DNAH7: variants seen among roughly 807,000 people sequenced by gnomAD.
DNAH7 encodes axonemal beta dynein heavy chain 7.
DNAH7 carries 397 observed loss-of-function variants against 444.6 expected under a neutral mutation model. The observed-to-expected ratio is 0.89, with a 90% CI of 0.82 to 0.97. The LOEUF (loss-of-function observed/expected upper bound fraction) is 0.97. DNAH7 is among the 50% of genes least tolerant of loss of function. The pLI is 0.00. For synonymous variants in DNAH7, 1,636 were observed against 1,624.4 expected, an observed-to-expected ratio of 1.01 and a Z score of -0.17; for missense variants, 4,902 against 4,800.8, an observed-to-expected ratio of 1.02 and a Z score of -0.62.
At chr2:195,813,301 T>C (rs1166708192) in intron 51 of DNAH7, among the ~76,000 whole-genome samples, 1 of 151,832 alleles carries the variant, frequency 6.6e-6, no homozygotes, top group Non-Finnish European at 1.5e-5. Flanking sequence ...CCTCCTTTTT[T>C]TCTTAATTTA....
chr2:196,050,150 A>G (rs1355664025), intron 3 of DNAH7, among the ~76,000 whole-genome samples: 2 of 152,232 alleles, frequency 1.3e-5, no homozygotes, highest in East Asian at 1.9e-4. Context: ...TCAATTCTAT[A>G]GTTTGTTCTC....
In DNAH7 at chr2:195,737,855, G is replaced by C; in HGVS notation, c.*66C>G. On this transcript the variant is annotated 3_prime_UTR_variant, in exon 65 of 65. Transcript: ENST00000312428. The stretch of plus-strand genomic sequence containing the variant: ...ACAAACAAAAAAAAAGGTTTAAGTA[G>C]TAAAATATGCTTTCTCTACTCAGCC... 1 of 925,688 alleles carries C rather than the reference G, an allele frequency of 1.1e-6. No individual in the cohort carries two copies. Among genetic ancestry groups the C allele is most frequent in the South Asian group, 1.5e-5 (1 of 65,670 alleles). 57.3% of individuals were successfully genotyped at this position (925,688 alleles called of 1,614,324 possible).
At chr2:196,010,151 C>CTT (rs369388805) in intron 10 of DNAH7, among the ~76,000 whole-genome samples, 2 of 145,130 alleles carry the variant, frequency 1.4e-5, no homozygotes, top group Non-Finnish European at 1.5e-5. Flanking sequence ...CTTTCTCTCT[C>CTT]TTTTTTTTTT....
chr2:195,978,705 T>C (rs1218385475), intron 15 of DNAH7, among the ~76,000 whole-genome samples: 3 of 152,054 alleles, frequency 2.0e-5, no homozygotes, highest in South Asian at 2.1e-4. Flanking sequence ...AAGACACACA[T>C]AGCCTGACAA....
At chr2:195,996,398 C>T (rs978499718) in intron 12 of DNAH7, among the ~76,000 whole-genome samples, 1 of 151,816 alleles carries the variant, frequency 6.6e-6, no homozygotes, top group African/African-American at 2.4e-5. Flanking sequence ...TAAATATGCC[C>T]ACATGGTTTA....
intron 19 of DNAH7, among the ~76,000 whole-genome samples, chr2:195,944,346 T>A (rs970295859): frequency 6.6e-6 from 1 of 152,126 alleles, no homozygotes; most frequent in Non-Finnish European, 1.5e-5. Flanking sequence ...GTTTGGTCAA[T>A]AAAACAAGTA....
chr2:195,820,094 G>A (rs529544727), intron 49 of DNAH7, among the ~76,000 whole-genome samples: 8 of 152,124 alleles, frequency 5.3e-5, no homozygotes, highest in Non-Finnish European at 1.0e-4. Context: ...AGCACTCTTC[G>A]TCTACTACCT....
chr2:195,851,659 G>T (rs1699370161), intron 46 of DNAH7, among the ~76,000 whole-genome samples: 1 of 152,176 alleles, frequency 6.6e-6, no homozygotes, highest in Non-Finnish European at 1.5e-5. Flanking sequence ...CTGTCAGAGA[G>T]GGCCTGGTTG....
chr2:195,810,281 A>C (rs1382210996), intron 51 of DNAH7, among the ~76,000 whole-genome samples: 1 of 152,196 alleles, frequency 6.6e-6, no homozygotes. Context: ...TTCTTTATTA[A>C]ATTTAGTATT....
At position 195,817,769 on chromosome 2, in the gene DNAH7, C is replaced by A. The variant is rs374148963; in HGVS notation, c.9352G>T (p.Val3118Leu). The change falls in exon 50 of 65, where the codon GTG (valine) becomes TTG (leucine). Residue 3118 changes from valine to leucine, a missense_variant. Transcript: ENST00000312428. Reference sequence around the variant, plus strand: ...AGGTCTGGCCTTTCTTGTGCCACCACAATTCCCAGAAGCTGATCTTGCATT... The same window carrying A: ...AGGTCTGGCCTTTCTTGTGCCACCAAAATTCCCAGAAGCTGATCTTGCATT... ...EGMQDQLLGI[V>L]VAQERPDLEE... 8.1e-6 allele frequency: 13 copies of A among 1,613,108 alleles called. No individual in the cohort carries two copies. The African/African-American group carries it at 1.6e-4, about 20-fold the overall frequency.
chr2:196,006,016 A>C (rs1694351932), intron 10 of DNAH7, among the ~76,000 whole-genome samples: 1 of 152,162 alleles, frequency 6.6e-6, no homozygotes, highest in African/African-American at 2.4e-5. Flanking sequence ...CCAGAAGCAC[A>C]TAAAAAGTAT....
intron 2 of DNAH7, among the ~76,000 whole-genome samples, chr2:196,056,316 A>C (rs1225472054): frequency 6.6e-6 from 1 of 151,636 alleles, no homozygotes; most frequent in Non-Finnish European, 1.5e-5. Flanking sequence ...GTGGTGGCAT[A>C]CACCTGTAAT....
intron 19 of DNAH7, among the ~76,000 whole-genome samples, chr2:195,940,949 T>C (rs897048811): frequency 3.9e-5 from 6 of 152,190 alleles, no homozygotes; most frequent in African/African-American, 1.4e-4. Flanking sequence ...TCAACCATTG[T>C]GGAAGACAGT....
intron 47 of DNAH7, among the ~76,000 whole-genome samples, chr2:195,838,605 A>AATAT (rs201900276): frequency 0.01 from 1,572 of 152,082 alleles, 27 homozygotes; most frequent in African/African-American, 0.035. Flanking sequence ...AAGATAGATG[A>AATAT]ATATATATAG....
chr2:195,976,739 GAGGCAGAC>G (rs1316397445), intron 15 of DNAH7, among the ~76,000 whole-genome samples: 20 of 125,500 alleles, frequency 1.6e-4, no homozygotes, highest in African/African-American at 6.1e-4. Context: ...GAGAGACAGA[GAGGCAGAC>G]AGAGAGAGAG....
chr2:195,901,800 C>T (rs967426902), intron 27 of DNAH7: 3 of 152,036 alleles, frequency 2.0e-5, no homozygotes, highest in Non-Finnish European at 4.4e-5. Context: ...ATAAGTAATA[C>T]ACAATTATTA....
At position 195,858,772 on chromosome 2, in the gene DNAH7, A is replaced by C. The variant is rs773740107; in HGVS notation, c.7769T>G (p.Val2590Gly). ...AGCAGAATCCAGTTTCTCCAAACCC[A>C]CTTCATATCTCTTTTTCATTTTCAT... Reference protein sequence around the residue: ...EVMKMKKRYEVGLEKLDSASS... With the variant: ...EVMKMKKRYEGGLEKLDSASS... Residue 2590 changes from valine (V) to glycine (G), a missense_variant, in exon 43 of 65, where the codon GTG becomes GGG. Transcript: ENST00000312428. The C allele has an allele frequency of 3.7e-6, 6 of 1,609,354 alleles. No individual in the cohort carries two copies. Among genetic ancestry groups the C allele is most frequent in the Non-Finnish European group, 4.2e-6 (5 of 1,178,226 alleles).
chr2:195,770,537 G>A (rs1409747407), intron 61 of DNAH7, among the ~76,000 whole-genome samples: 2 of 151,862 alleles, frequency 1.3e-5, no homozygotes, highest in South Asian at 2.1e-4. Context: ...TATACCCTCT[G>A]CCTGAAATAC....
At chr2:195,923,256 C>G (rs1688132382) in intron 23 of DNAH7, among the ~76,000 whole-genome samples, 2 of 152,214 alleles carry the variant, frequency 1.3e-5, no homozygotes, top group South Asian at 4.1e-4. Flanking sequence ...CAATTTTAAA[C>G]TGACTAGTCC....
Sources: gnomAD v4.1 joint callset for allele counts (sites outside exome capture counted in the v4.1 genomes callset) on GRCh38, gnomAD v4.1.1 for gene constraint, MANE v1.5 for transcripts, NCBI Gene and HGNC (gene_info 2026-07-23, HGNC 2026-07-21) for gene names.